Variants in KAZN observed in about 807,000 individuals in gnomAD.
KAZN encodes the protein kazrin.
KAZN carries 40 observed loss-of-function variants against 87.4 expected under a neutral mutation model. The observed-to-expected ratio is 0.46, with a 90% CI of 0.36 to 0.60. The LOEUF (loss-of-function observed/expected upper bound fraction) is 0.60. Among genes scored for constraint, KAZN ranks in the 20% least tolerant of loss-of-function variants. The pLI, the probability that KAZN is intolerant of heterozygous loss-of-function variation, is 0.00. For missense variants in KAZN, 898 were observed against 1,073.9 expected (o/e 0.84, Z 2.29); for synonymous variants, 466 against 458.3 (o/e 1.02, Z -0.22).
intron 2 of KAZN, among the ~76,000 whole-genome samples, chr1:14,503,353 G>A (rs1036257434): frequency 3.3e-5 from 5 of 151,162 alleles, no homozygotes; most frequent in African/African-American, 9.7e-5. Flanking sequence ...GCGTGGTGGC[G>A]GGTGCCTGTG....
intron 1 of KAZN, among the ~76,000 whole-genome samples, chr1:14,706,755 C>G (rs1053702136): frequency 2.6e-5 from 4 of 152,184 alleles, no homozygotes; most frequent in African/African-American, 7.2e-5. Flanking sequence ...TTTCTCCACA[C>G]CTTTTAGTAA....
intron 2 of KAZN, among the ~76,000 whole-genome samples, chr1:14,200,327 G>A (rs1646613101): frequency 6.6e-6 from 1 of 152,084 alleles, no homozygotes; most frequent in Non-Finnish European, 1.5e-5. Flanking sequence ...ATTAACAGAA[G>A]TGATCTCTGA....
intron 1 of KAZN, among the ~76,000 whole-genome samples, chr1:14,712,706 C>T (rs1330628911): frequency 6.6e-6 from 1 of 152,164 alleles, no homozygotes; most frequent in Non-Finnish European, 1.5e-5. Flanking sequence ...CAAAGCTGAG[C>T]CTCCACAGGG....
chr1:14,781,864 C>T (rs1645361025), intron 1 of KAZN, among the ~76,000 whole-genome samples: 1 of 152,106 alleles, frequency 6.6e-6, no homozygotes, highest in Non-Finnish European at 1.5e-5. Flanking sequence ...AATTCAGCCC[C>T]CAATCATAAA....
intron 2 of KAZN, among the ~76,000 whole-genome samples, chr1:14,458,838 G>A (rs1019442431): frequency 5.3e-5 from 8 of 152,156 alleles, no homozygotes; most frequent in African/African-American, 1.9e-4. Context: ...TAGGCAAAAT[G>A]ATACTTTTTT....
chr1:14,762,861 C>T (rs1644780971), intron 1 of KAZN, among the ~76,000 whole-genome samples: 2 of 151,760 alleles, frequency 1.3e-5, no homozygotes, highest in African/African-American at 4.8e-5. Context: ...CTGATGGCAA[C>T]AATAATAATA....
intron 2 of KAZN, among the ~76,000 whole-genome samples, chr1:14,539,618 G>A (rs1571890818): frequency 6.6e-6 from 1 of 151,906 alleles, no homozygotes; most frequent in South Asian, 2.1e-4. Context: ...CTTTAGAGTG[G>A]TTCATAAGAC....
chr1:14,997,961 G>A (rs930227765), intron 2 of KAZN, among the ~76,000 whole-genome samples: 1 of 152,222 alleles, frequency 6.6e-6, no homozygotes, highest in African/African-American at 2.4e-5. Context: ...ACTTGGGACA[G>A]ACCACCCAGA....
At chr1:13,919,784 G>C (rs1639994750) in intron 1 of KAZN, among the ~76,000 whole-genome samples, 2 of 152,162 alleles carry the variant, frequency 1.3e-5, no homozygotes, top group Non-Finnish European at 2.9e-5. Flanking sequence ...TGACATTGTT[G>C]ATGAGCAGAA....
intron 1 of KAZN, among the ~76,000 whole-genome samples, chr1:14,614,816 G>A (rs1381583562): frequency 6.6e-6 from 1 of 152,220 alleles, no homozygotes; most frequent in East Asian, 1.9e-4. Context: ...AAACTAAGAT[G>A]CTGATGCAGG....
At chr1:14,455,487 A>C (rs1334882775) in intron 2 of KAZN, among the ~76,000 whole-genome samples, 1 of 152,226 alleles carries the variant, frequency 6.6e-6, no homozygotes, top group Non-Finnish European at 1.5e-5. Flanking sequence ...TCAGTGTTCC[A>C]GTGTTGTTTG....
chr1:13,950,946 C>A (rs1641323529), intron 1 of KAZN, among the ~76,000 whole-genome samples: 2 of 152,126 alleles, frequency 1.3e-5, no homozygotes, highest in Non-Finnish European at 1.5e-5. Context: ...TGTTGCAGTT[C>A]TCGGGAAACT....
chr1:13,999,554 G>A (rs1225794276), intron 1 of KAZN, among the ~76,000 whole-genome samples: 1 of 152,118 alleles, frequency 6.6e-6, no homozygotes, highest in Non-Finnish European at 1.5e-5. Context: ...CACAGCTAAA[G>A]CAGTGTTAAG....
At chr1:14,322,083 G>A (rs1051127013) in intron 2 of KAZN, among the ~76,000 whole-genome samples, 2 of 152,056 alleles carry the variant, frequency 1.3e-5, no homozygotes, top group Non-Finnish European at 2.9e-5. Flanking sequence ...CTTATCCACT[G>A]CTTGCTTAAT....
At chr1:14,410,197 G>A (rs374975640) in intron 2 of KAZN, among the ~76,000 whole-genome samples, 14 of 152,116 alleles carry the variant, frequency 9.2e-5, no homozygotes, top group African/African-American at 1.9e-4. Flanking sequence ...TCCGACTACC[G>A]GGTTCAAACA....
intron 1 of KAZN, among the ~76,000 whole-genome samples, chr1:14,006,483 C>T (rs1570508238): frequency 6.6e-6 from 1 of 152,086 alleles, no homozygotes; most frequent in Admixed American, 6.6e-5. Flanking sequence ...AGTTTCAGTC[C>T]TTGTGTTTAA....
chr1:15,105,910 G>T (rs1313876767), intron 13 of KAZN, among the ~76,000 whole-genome samples: 5 of 152,154 alleles, frequency 3.3e-5, no homozygotes, highest in African/African-American at 1.2e-4. Flanking sequence ...TGCAGGACAA[G>T]TATCTGCTGG....
chr1:15,106,276 A>C (rs193131211), intron 13 of KAZN, among the ~76,000 whole-genome samples: 2 of 152,262 alleles, frequency 1.3e-5, no homozygotes. Flanking sequence ...GCAAGGGTCC[A>C]TCTCTACAAA....
chr1:14,113,315 C>A (rs930667365), intron 1 of KAZN, among the ~76,000 whole-genome samples: 4 of 152,182 alleles, frequency 2.6e-5, no homozygotes, highest in Non-Finnish European at 5.9e-5. Flanking sequence ...ACCCTGCCAA[C>A]CTTGTGATGT....
Sources: allele counts gnomAD v4.1 joint callset (sites outside exome capture counted in the v4.1 genomes callset), GRCh38; gene constraint gnomAD v4.1.1; transcripts MANE v1.5; gene names NCBI Gene and HGNC (gene_info 2026-07-23, HGNC 2026-07-21).